The following BPNT2 variants were observed in gnomAD, a reference collection of about 807,000 sequenced individuals.
BPNT2 encodes 3'(2'), 5'-bisphosphate nucleotidase 2.
BPNT2 carries 11 observed loss-of-function variants against 29.3 expected under a neutral mutation model. That is an observed-to-expected ratio of 0.38 (90% CI 0.24 to 0.62). The LOEUF is 0.62. Among genes scored for constraint, BPNT2 ranks in the 20% least tolerant of loss-of-function variants. The pLI is 0.62. For synonymous variants in BPNT2, 195 were observed against 187.7 expected (o/e 1.04, Z -0.32); for missense variants, 459 against 473.4 (o/e 0.97, Z 0.28).
At chr8:56,989,372 T>C (rs1585569155) in intron 1 of BPNT2, among the ~76,000 whole-genome samples, 1 of 131,216 alleles carries the variant, frequency 7.6e-6, no homozygotes, top group African/African-American at 2.8e-5. Flanking sequence ...ACACCATCTT[T>C]AAAAAAAAAA....
chr8:56,964,163 T>A (rs564299378), intron 4 of BPNT2, 99 bp from the exon 5 acceptor site: 2 of 835,232 alleles, frequency 2.4e-6, no homozygotes, highest in Non-Finnish European at 3.8e-6. Flanking sequence ...CAGGATGGAG[T>A]GTGCAGGAGC....
At chr8:56,971,788 C>CCCG (rs1554539132) in intron 3 of BPNT2, among the ~76,000 whole-genome samples, 2,040 of 145,358 alleles carry the variant, frequency 0.014, 215 homozygotes, top group African/African-American at 0.048. Context: ...TACCACCCCC[C>CCCG]CCCCCACAAT....
chr8:56,978,238 T>TTATATACA, intron 2 of BPNT2, 93 bp from the exon 3 acceptor site: 1 of 839,072 alleles, frequency 1.2e-6, no homozygotes, highest in South Asian at 1.3e-5. Context: ...ATTAAAAAAT[T>TTATATACA]TATATACATG....
intron 1 of BPNT2, among the ~76,000 whole-genome samples, chr8:56,983,741 T>C (rs1806283715): frequency 6.6e-6 from 1 of 152,120 alleles, no homozygotes; most frequent in Non-Finnish European, 1.5e-5. Context: ...ATCCCCAGTG[T>C]TTTTTGTTGT....
intron 3 of BPNT2, among the ~76,000 whole-genome samples, chr8:56,971,465 T>C (rs1222878224): frequency 6.6e-6 from 1 of 152,164 alleles, no homozygotes; most frequent in Non-Finnish European, 1.5e-5. Context: ...ATAAATATTT[T>C]GGTAAGCTTT....
Position 56,958,792 on chromosome 8 carries a change from G to C in BPNT2, c.*5001C>G, listed in dbSNP as rs950074632. 3.3e-5 allele frequency: 5 copies of C among 152,160 alleles called. No homozygotes were observed. The highest frequency in any genetic ancestry group is 1.3e-4 in the Admixed American group (2 of 15,276). The allele number at this position is 152,160 out of a possible 1,614,324, so 9.4% of individuals were successfully genotyped here. A position where few individuals can be genotyped will look rare whatever the true frequency, so the allele number is the denominator to read the frequency against. On this transcript the variant is annotated 3_prime_UTR_variant, in exon 5 of 5. Coordinates refer to ENST00000262644, the MANE Select transcript of BPNT2 (RefSeq NM_017813.5). ...ATGGCAGAGCACTGTCTCTTCTGTGGGACTGAAACAGCTAGCTTTGGCTAC... is the reference window on the plus strand; with the variant it reads ...ATGGCAGAGCACTGTCTCTTCTGTGCGACTGAAACAGCTAGCTTTGGCTAC...
chr8:56,981,266 G>GT (rs904636295), intron 1 of BPNT2, among the ~76,000 whole-genome samples: 1 of 152,164 alleles, frequency 6.6e-6, no homozygotes, highest in Non-Finnish European at 1.5e-5. Flanking sequence ...GTAAAACAGT[G>GT]TTTTAAAAAT....
chr8:56,965,843 T>G (rs900517036), intron 4 of BPNT2, among the ~76,000 whole-genome samples: 2 of 152,214 alleles, frequency 1.3e-5, no homozygotes, highest in Non-Finnish European at 2.9e-5. Context: ...TGAAGCATCT[T>G]AAGTGCTTGA....
rs1210118861 is a variant in BPNT2, at chr8:56,987,334, A to C, written c.387+5865T>G. On this transcript the variant is annotated intron_variant, in intron 1 of 4. Transcript: ENST00000262644. ...GTTGTATTTGTGAGGGTGTTTCTGG[A>C]TAAGATTAGCATTTGAATCAGTGAA... Among the ~76,000 whole-genome samples, 3 of 152,190 alleles carry C rather than the reference A, an allele frequency of 2.0e-5. No homozygotes were observed. In the East Asian group the frequency reaches 5.8e-4, roughly 29 times the overall value.
At chr8:56,976,974 A>G (rs1468695332) in intron 3 of BPNT2, among the ~76,000 whole-genome samples, 2 of 152,192 alleles carry the variant, frequency 1.3e-5, no homozygotes, top group Non-Finnish European at 2.9e-5. Flanking sequence ...ACTGGACCTC[A>G]TGATAGCTCA....
chr8:56,978,246 A>G (rs1203245908), intron 2 of BPNT2, 101 bp from the exon 3 acceptor site: 3 of 809,160 alleles, frequency 3.7e-6, no homozygotes, highest in Non-Finnish European at 6.4e-6. Context: ...ATTTATATAC[A>G]TGAAATATCT....
At chr8:56,980,853 A>ACAC (rs1806229401) in intron 1 of BPNT2, among the ~76,000 whole-genome samples, 1 of 111,056 alleles carries the variant, frequency 9.0e-6, no homozygotes, top group African/African-American at 3.7e-5. Context: ...CACACACACA[A>ACAC]ACCCCCCTTA....
At chr8:56,971,779 A>ACCT (rs1242175246) in intron 3 of BPNT2, among the ~76,000 whole-genome samples, 1 of 38,020 alleles carries the variant, frequency 2.6e-5, no homozygotes, top group Non-Finnish European at 5.0e-5. Flanking sequence ...ATAATTTTGT[A>ACCT]CCACCCCCCC....
chr8:56,985,945 C>A (rs144459834), intron 1 of BPNT2, among the ~76,000 whole-genome samples: 1 of 152,158 alleles, frequency 6.6e-6, no homozygotes, highest in African/African-American at 2.4e-5. Context: ...AAGCTCCTGC[C>A]CAATTCTCCA....
At chr8:56,976,178 T>C (rs1406817643) in intron 3 of BPNT2, among the ~76,000 whole-genome samples, 1 of 152,132 alleles carries the variant, frequency 6.6e-6, no homozygotes, top group Non-Finnish European at 1.5e-5. Flanking sequence ...CCCTTTCCAC[T>C]GGTGAAATAC....
rs1319915788 is a variant in BPNT2 at position 56,978,071 on chromosome 8, T to C, written c.625A>G (p.Lys209Glu). 12 of 1,606,194 alleles carry C rather than the reference T, an allele frequency of 7.5e-6. No individual in the cohort carries two copies. Among genetic ancestry groups the C allele is most frequent in the Non-Finnish European group, 1.0e-5 (12 of 1,173,032 alleles). The change falls in exon 3 of 5, where the codon AAG (lysine) becomes GAG (glutamate). Residue 209 changes from lysine (K) to glutamate (E), a missense_variant. Lys to Glu is a moderately conservative substitution (Grantham distance 56). Coordinates refer to ENST00000262644, the MANE Select transcript of BPNT2 (RefSeq NM_017813.5). ...NGKPMLGVIHKPFSEYTAWAM... is the reference protein window; with the variant it reads ...NGKPMLGVIHEPFSEYTAWAM... The stretch of plus-strand genomic sequence containing the variant: ...ATACCTGTATATTCGGAAAATGGCT[T>C]ATGTATAACTCCTAGCATGGGTTTA...
chr8:56,978,018 A>AT, intron 3 of BPNT2, 32 bp downstream of exon 3: 2 of 1,267,972 alleles, frequency 1.6e-6, no homozygotes, highest in South Asian at 2.4e-5. Context: ...TTCAATAACA[A>AT]TAATTCTTGA....
chr8:56,968,359 A>T (rs1209322310), intron 3 of BPNT2, among the ~76,000 whole-genome samples: 2 of 151,952 alleles, frequency 1.3e-5, no homozygotes, highest in Non-Finnish European at 2.9e-5. Context: ...AAGTAAACAG[A>T]TAAAAGGGAT....
intron 4 of BPNT2, 53 bp downstream of exon 4, chr8:56,966,138 C>A: frequency 1.9e-6 from 3 of 1,583,112 alleles, no homozygotes; most frequent in Non-Finnish European, 2.6e-6. Flanking sequence ...CCTAACATAG[C>A]CTTGACCATG....
Sources: gnomAD v4.1 joint callset for allele counts (sites outside exome capture counted in the v4.1 genomes callset) on GRCh38, gnomAD v4.1.1 for gene constraint, MANE v1.5 for transcripts, NCBI Gene and HGNC (gene_info 2026-07-23, HGNC 2026-07-21) for gene names.